ST8SIA4: variants seen among roughly 807,000 people sequenced by gnomAD.
ST8SIA4 encodes ST8 alpha-N-acetyl-neuraminide alpha-2,8-sialyltransferase 4, also known as CMP-N-acetylneuraminate-poly-alpha-2,8-sialyltransferase.
Under a neutral mutation model 33.9 loss-of-function variants are expected in ST8SIA4, and 15 were observed. The observed-to-expected ratio is 0.44, with a 90% CI of 0.30 to 0.68. The LOEUF is 0.68. Among genes scored for constraint, ST8SIA4 ranks in the 30% least tolerant of loss-of-function variants. ST8SIA4 has a pLI of 0.10. For synonymous variants in ST8SIA4, 171 were observed against 151.2 expected, an observed-to-expected ratio of 1.13 and a Z score of -0.96; for missense variants, 321 against 428.0, an observed-to-expected ratio of 0.75 and a Z score of 2.21.
intron 4 of ST8SIA4, among the ~76,000 whole-genome samples, chr5:100,844,667 C>T (rs557212974): frequency 1.3e-5 from 2 of 152,106 alleles, no homozygotes; most frequent in African/African-American, 4.8e-5. Flanking sequence ...AGGTGTTAGG[C>T]TCAAACTGGA....
At chr5:100,851,669 T>G (rs1166312522) in intron 4 of ST8SIA4, among the ~76,000 whole-genome samples, 1 of 152,020 alleles carries the variant, frequency 6.6e-6, no homozygotes, top group Non-Finnish European at 1.5e-5. Context: ...TCTCTATCTA[T>G]CTGTCTATCT....
chr5:100,821,792 C>T (rs1580449143), intron 4 of ST8SIA4, among the ~76,000 whole-genome samples: 1 of 152,278 alleles, frequency 6.6e-6, no homozygotes, highest in Admixed American at 6.5e-5. Flanking sequence ...AAGTATCAAA[C>T]TAATAGCATT....
chr5:100,875,530 C>A (rs1444921885), intron 3 of ST8SIA4, among the ~76,000 whole-genome samples: 2 of 152,012 alleles, frequency 1.3e-5, no homozygotes, highest in Non-Finnish European at 2.9e-5. Context: ...ATAAACCTGG[C>A]CGTAGACAAA....
intron 4 of ST8SIA4, among the ~76,000 whole-genome samples, chr5:100,838,654 T>C (rs984758532): frequency 6.6e-6 from 1 of 151,972 alleles, no homozygotes; most frequent in African/African-American, 2.4e-5. Context: ...AAAGTCACTA[T>C]ATTACAAGTA....
Position 100,813,511 on chromosome 5 carries a change from A to C in ST8SIA4, c.798-1382T>G, listed in dbSNP as rs188085815. 1.5e-3 allele frequency among the ~76,000 whole-genome samples: 222 copies of C among 152,114 alleles called. 1 individual carries two copies. The highest frequency in any genetic ancestry group is 2.5e-3 in the Admixed American group (38 of 15,278). ...CTCAGTAAAGACGATTTTATAAGAA[A>C]TTTTCAGAGAAGAACATCTAGGAAT... is the stretch of plus-strand genomic sequence containing the variant. On this transcript the variant is annotated intron_variant, in intron 4 of 4. Coordinates refer to ENST00000231461, the MANE Select transcript of ST8SIA4 (RefSeq NM_005668.6).
intron 4 of ST8SIA4, among the ~76,000 whole-genome samples, chr5:100,817,109 A>ATTTTTTTTTTTTTTT (rs57222657): frequency 2.7e-5 from 2 of 74,326 alleles, no homozygotes; most frequent in Non-Finnish European, 4.5e-5. Flanking sequence ...CACCCAGCTA[A>ATTTTTTTTTTTTTTT]TTTTTTTTTT....
chr5:100,821,287 C>T (rs1003017514), intron 4 of ST8SIA4, among the ~76,000 whole-genome samples: 2 of 152,034 alleles, frequency 1.3e-5, no homozygotes, highest in South Asian at 2.1e-4. Context: ...TGTAGGTAAT[C>T]CTAACGCTCA....
intron 3 of ST8SIA4, among the ~76,000 whole-genome samples, chr5:100,859,144 A>G (rs754205129): frequency 8.5e-5 from 13 of 152,110 alleles, no homozygotes; most frequent in Non-Finnish European, 4.4e-5. Context: ...AATTCAGTAG[A>G]CTTGTTGTGA....
At chr5:100,872,618 G>A (rs1002971812) in intron 3 of ST8SIA4, among the ~76,000 whole-genome samples, 2 of 151,922 alleles carry the variant, frequency 1.3e-5, no homozygotes, top group Non-Finnish European at 2.9e-5. Flanking sequence ...TTTCATAAGG[G>A]GCTTCCCCTT....
At chr5:100,818,901 C>T (rs1442124177) in intron 4 of ST8SIA4, among the ~76,000 whole-genome samples, 1 of 152,150 alleles carries the variant, frequency 6.6e-6, no homozygotes, top group African/African-American at 2.4e-5. Flanking sequence ...TTGCTGTTAG[C>T]TCTGAATTTC....
chr5:100,831,490 T>C (rs2112414938), intron 4 of ST8SIA4, among the ~76,000 whole-genome samples: 1 of 152,166 alleles, frequency 6.6e-6, no homozygotes, highest in East Asian at 1.9e-4. Context: ...TTTAATTCTT[T>C]TTGAGGCACA....
chr5:100,897,358 C>A (rs1196444405), intron 1 of ST8SIA4, among the ~76,000 whole-genome samples: 1 of 152,142 alleles, frequency 6.6e-6, no homozygotes, highest in East Asian at 1.9e-4. Context: ...ATTCAATAGA[C>A]CATTTTCTTG....
intron 4 of ST8SIA4, among the ~76,000 whole-genome samples, chr5:100,835,128 G>C (rs1186139444): frequency 6.6e-6 from 1 of 151,934 alleles, no homozygotes; most frequent in African/African-American, 2.4e-5. Flanking sequence ...TTCTTTTTCT[G>C]TTTGTACACA....
intron 3 of ST8SIA4, among the ~76,000 whole-genome samples, chr5:100,856,687 T>C (rs937134043): frequency 6.6e-6 from 1 of 152,192 alleles, no homozygotes. Flanking sequence ...ACCACACAAT[T>C]TGAATTTGTA....
At chr5:100,848,622 A>G (rs1484018756) in intron 4 of ST8SIA4, among the ~76,000 whole-genome samples, 1 of 150,176 alleles carries the variant, frequency 6.7e-6, no homozygotes, top group Non-Finnish European at 1.5e-5. Flanking sequence ...TATAGACTAT[A>G]TAAAGTCTGT....
intron 2 of ST8SIA4, among the ~76,000 whole-genome samples, chr5:100,889,104 A>G (rs986835916): frequency 2.0e-5 from 3 of 151,948 alleles, no homozygotes; most frequent in African/African-American, 7.2e-5. Flanking sequence ...TATGCATTAT[A>G]GAAACTGGAA....
rs539144382 is a variant in ST8SIA4 at position 100,809,112 on chromosome 5, G to A, written c.*2735C>T. 2.6e-5 allele frequency: 4 copies of A among 152,732 alleles called. No individual in the cohort carries two copies. The South Asian group carries it at 8.3e-4, about 32-fold the overall frequency. The allele number at this position is 152,732 out of a possible 1,614,324, so 9.5% of individuals were successfully genotyped here. On this transcript the variant is annotated 3_prime_UTR_variant, in exon 5 of 5. Coordinates refer to ENST00000231461, the MANE Select transcript of ST8SIA4 (RefSeq NM_005668.6). ...ACAGAACAATGAATGGCTGAGATAT[G>A]TGTGCTGTGGCCTTAACATTGTTTA... is the stretch of plus-strand genomic sequence containing the variant.
In ST8SIA4 at chr5:100,809,658, A is replaced by T. The variant is rs531707233; in HGVS notation, c.*2189T>A. 1 of 152,250 alleles carries T rather than the reference A, an allele frequency of 6.6e-6. No individual in the cohort carries two copies. Among genetic ancestry groups the T allele is most frequent in the South Asian group, 2.1e-4 (1 of 4,830 alleles). The allele number at this position is 152,250 out of a possible 1,614,324, so 9.4% of individuals were successfully genotyped here. ...TCATTTGCAAGTAGTCCAAATTTAG[A>T]TTTTATAAATCACTTTCAATTTATT... On this transcript the variant is annotated 3_prime_UTR_variant, in exon 5 of 5. Transcript: ENST00000231461.
chr5:100,882,687 T>A (rs750048779), intron 3 of ST8SIA4, among the ~76,000 whole-genome samples: 9 of 152,218 alleles, frequency 5.9e-5, no homozygotes, highest in Non-Finnish European at 1.0e-4. Flanking sequence ...GATCCCTGTG[T>A]GCAGCCTAGG....
Sources: allele counts gnomAD v4.1 joint callset (sites outside exome capture counted in the v4.1 genomes callset), GRCh38; gene constraint gnomAD v4.1.1; transcripts MANE v1.5; gene names NCBI Gene and HGNC (gene_info 2026-07-23, HGNC 2026-07-21).